CEP43: variants seen among roughly 807,000 people sequenced by gnomAD.
CEP43 encodes centrosomal protein 43, also known as FGFR1 oncogene partner.
Under a neutral mutation model 52.6 loss-of-function variants are expected in CEP43, and 36 were observed. The ratio of observed to expected loss-of-function variants is 0.68; its 90% CI spans 0.52 to 0.90. CEP43 has a LOEUF of 0.90. Ranked by LOEUF, CEP43 falls within the 40% of genes least tolerant of loss-of-function variation. CEP43 has a pLI of 0.00. For missense variants in CEP43, 506 were observed against 472.8 expected (o/e 1.07, Z -0.65); for synonymous variants, 192 against 172.4 (o/e 1.11, Z -0.89).
At chr6:167,029,928 C>CTTAA (rs796530163) in intron 10 of CEP43, among the ~76,000 whole-genome samples, 9 of 152,274 alleles carry the variant, frequency 5.9e-5, no homozygotes, top group African/African-American at 2.2e-4. Context: ...AAAGAACCTT[C>CTTAA]TTAAGCATGG....
rs1207945455 is a variant in CEP43, at chr6:167,022,524, A to C, written c.695A>C (p.Asn232Thr). The C allele has an allele frequency of 2.5e-6, 4 of 1,613,984 alleles. No homozygotes were observed. In the African/African-American group the frequency reaches 5.3e-5, roughly 22 times the overall value. Reference protein sequence around the residue: ...HETKIGSFLSNRTLDGKDKAG... With the variant: ...HETKIGSFLSTRTLDGKDKAG... ...ACAAAAATTGGATCTTTTCTAAGCA[A>C]CAGAACTTTAGATGGCAAAGACAAA... The change falls in exon 8 of 13, where the codon AAC becomes ACC. Residue 232 changes from asparagine (N) to threonine (T), a missense_variant. Transcript: ENST00000366847.
chr6:167,025,215 T>G (rs142996197), intron 9 of CEP43: 114 of 171,972 alleles, frequency 6.6e-4, no homozygotes, highest in African/African-American at 2.5e-3. Context: ...ACATTTACAA[T>G]GACTTGAGTT....
At position 167,022,501 on chromosome 6, in the gene CEP43, A is replaced by G; in HGVS notation, c.672A>G (p.Thr224=). The G allele has an allele frequency of 1.9e-6, 3 of 1,614,128 alleles. No homozygotes were observed. Among genetic ancestry groups the G allele is most frequent in the Non-Finnish European group, 1.7e-6 (2 of 1,180,010 alleles). Residue 224 remains threonine, a synonymous_variant, in exon 8 of 13, where the codon ACA becomes ACG. Coordinates refer to ENST00000366847, the MANE Select transcript of CEP43 (RefSeq NM_007045.4). Reference sequence around the variant, plus strand: ...GCCTTCACTTACTGTCCCATGAAACAAAAATTGGATCTTTTCTAAGCAACA... The same window carrying G: ...GCCTTCACTTACTGTCCCATGAAACGAAAATTGGATCTTTTCTAAGCAACA... ...KSSLHLLSHE[T]KIGSFLSNRT... is the part of the protein sequence containing the mutation.
intron 2 of CEP43, among the ~76,000 whole-genome samples, chr6:167,002,824 C>G (rs1230840528): frequency 6.6e-6 from 1 of 152,192 alleles, no homozygotes; most frequent in South Asian, 2.1e-4. Flanking sequence ...TAATTAAATT[C>G]CTGTTCATAG....
At chr6:167,022,723 G>A (rs1780265370) in intron 8 of CEP43, 88 bp downstream of exon 8, 2 of 879,250 alleles carry the variant, frequency 2.3e-6, no homozygotes, top group South Asian at 3.4e-5. Flanking sequence ...AATGAACTAT[G>A]GAAGGTTTAT....
In CEP43 at chr6:167,045,225, T is replaced by C. The variant is rs2114858626; in HGVS notation, c.*5247T>C. On this transcript the variant is annotated 3_prime_UTR_variant, in exon 13 of 13. Transcript: ENST00000366847. ...AAGCGATTCTCCTGCCTCAGCCTCC[T>C]GAGTAGCTGGGATTACAGATGTGTT... 1 of 151,892 alleles carries C rather than the reference T, an allele frequency of 6.6e-6. No homozygotes were observed. Among genetic ancestry groups the C allele is most frequent in the Non-Finnish European group, 1.5e-5 (1 of 68,124 alleles). The allele number at this position is 151,892 out of a possible 1,614,324, so 9.4% of individuals were successfully genotyped here.
Position 167,020,389 on chromosome 6 carries a change from C to T in CEP43, c.580-2020C>T, listed in dbSNP as rs535096129. 2.0e-4 allele frequency among the ~76,000 whole-genome samples: 31 copies of T among 152,302 alleles called. No homozygotes were observed. In the South Asian group the frequency reaches 5.8e-3, roughly 28 times the overall value. On this transcript the variant is annotated intron_variant, in intron 7 of 12. Coordinates refer to ENST00000366847, the MANE Select transcript of CEP43 (RefSeq NM_007045.4). ...ATGTAAACGTATATCATAAGACATG[C>T]ATAATGCATTCTGTCTGTACCCATA...
At chr6:167,013,219 T>C (rs9457251) in intron 6 of CEP43, among the ~76,000 whole-genome samples, 56,907 of 152,040 alleles carry the variant, frequency 0.37, 11,261 homozygotes, top group Non-Finnish European at 0.46. Context: ...TTTAGAATGC[T>C]GCTAAAATGT....
chr6:167,023,618 C>T (rs1013742809), intron 8 of CEP43, among the ~76,000 whole-genome samples: 5 of 152,108 alleles, frequency 3.3e-5, no homozygotes, highest in Non-Finnish European at 7.4e-5. Context: ...TAGGAGTCAT[C>T]AGTTTGTAGA....
chr6:167,009,415 CAGG>C (rs1283150392), intron 5 of CEP43, among the ~76,000 whole-genome samples: 40 of 138,322 alleles, frequency 2.9e-4, no homozygotes, highest in Middle Eastern at 4.0e-3. Flanking sequence ...GAGGGCGAGG[CAGG>C]AGAATTGCTT....
At position 167,012,074 on chromosome 6, in the gene CEP43, G is replaced by A. The variant is rs1293053942; in HGVS notation, c.519+1181G>A. 3.3e-5 allele frequency among the ~76,000 whole-genome samples: 5 copies of A among 152,312 alleles called. No homozygotes were observed. The South Asian group carries it at 1.0e-3, about 32-fold the overall frequency. On this transcript the variant is annotated intron_variant, in intron 6 of 12. Coordinates refer to ENST00000366847, the MANE Select transcript of CEP43 (RefSeq NM_007045.4). ...AGATGAGGTCCCATGTGGGTTTATG[G>A]TGGTGGATCGACTCTCAGATACAGT...
chr6:167,009,162 C>T (rs532421864), intron 5 of CEP43, among the ~76,000 whole-genome samples: 9 of 151,772 alleles, frequency 5.9e-5, no homozygotes, highest in South Asian at 4.2e-4. Flanking sequence ...GAGGCCAAGG[C>T]GGGTGGATCA....
chr6:167,006,799 T>C (rs1283514808), intron 5 of CEP43, among the ~76,000 whole-genome samples: 4 of 152,216 alleles, frequency 2.6e-5, no homozygotes, highest in Non-Finnish European at 5.9e-5. Flanking sequence ...TTCAGTGTAG[T>C]CTGCCTAAGC....
intron 2 of CEP43, among the ~76,000 whole-genome samples, chr6:167,001,191 ATGTT>A (rs1779727110): frequency 6.6e-6 from 1 of 152,104 alleles, no homozygotes; most frequent in South Asian, 2.1e-4. Context: ...ACCTGTGTCT[ATGTT>A]TATCTGTACC....
chr6:167,022,389 C>G lies in CEP43; in HGVS notation c.580-20C>G. 1 of 1,563,188 alleles carries G rather than the reference C, an allele frequency of 6.4e-7. No homozygotes were observed. The highest frequency in any genetic ancestry group is 8.8e-7 in the Non-Finnish European group (1 of 1,139,238). On this transcript the variant is annotated intron_variant, in intron 7 of 12. Transcript: ENST00000366847. Reference sequence around the variant, plus strand: ...TTTTATCTCACCAAGGAGGCCTTTTCTCTTTCCCTCTCTTTCTAGAAGGCC... The same window carrying G: ...TTTTATCTCACCAAGGAGGCCTTTTGTCTTTCCCTCTCTTTCTAGAAGGCC...
chr6:167,002,394 G>C (rs1236278001), intron 2 of CEP43, among the ~76,000 whole-genome samples: 1 of 152,130 alleles, frequency 6.6e-6, no homozygotes, highest in Admixed American at 6.5e-5. Context: ...CATTTAGGCT[G>C]TTTCCAGTTT....
At chr6:167,005,277 T>A (rs1779827005) in intron 5 of CEP43, among the ~76,000 whole-genome samples, 1 of 152,220 alleles carries the variant, frequency 6.6e-6, no homozygotes, top group African/African-American at 2.4e-5. Flanking sequence ...TACTATAAGA[T>A]AAAATATAAG....
At chr6:167,019,234 A>T (rs1780169787) in intron 7 of CEP43, among the ~76,000 whole-genome samples, 1 of 152,160 alleles carries the variant, frequency 6.6e-6, no homozygotes, top group Non-Finnish European at 1.5e-5. Context: ...ATCTGTGCAC[A>T]TGCATACACC....
intron 7 of CEP43, 97 bp from the exon 8 acceptor site, chr6:167,022,312 C>A: frequency 1.6e-5 from 13 of 833,742 alleles, no homozygotes; most frequent in African/African-American, 1.7e-5. Flanking sequence ...TGCACACACA[C>A]AGGTTTGATT....
Sources: allele counts gnomAD v4.1 joint callset (sites outside exome capture counted in the v4.1 genomes callset), GRCh38; gene constraint gnomAD v4.1.1; transcripts MANE v1.5; gene names NCBI Gene and HGNC (gene_info 2026-07-23, HGNC 2026-07-21).